GKAP1: variants seen among roughly 807,000 people sequenced by gnomAD.
GKAP1 encodes the protein G kinase anchoring protein 1.
Under a neutral mutation model 56.7 loss-of-function variants are expected in GKAP1, and 31 were observed. The observed-to-expected ratio is 0.55, with a 90% confidence interval of 0.41 to 0.74. The LOEUF is 0.74. Among genes scored for constraint, GKAP1 ranks in the 30% least tolerant of loss-of-function variants. GKAP1 has a pLI of 0.00. For synonymous variants in GKAP1, 151 were observed against 138.6 expected (o/e 1.09, Z -0.63); for missense variants, 364 against 402.3 (o/e 0.90, Z 0.82).
intron 3 of GKAP1, among the ~76,000 whole-genome samples, chr9:83,801,441 T>C (rs1587736109): frequency 6.6e-6 from 1 of 151,924 alleles, no homozygotes; most frequent in Non-Finnish European, 1.5e-5. Flanking sequence ...ATAAAGAGGA[T>C]TTCAACTGAG....
chr9:83,755,569 TC>T (rs1178705701), intron 8 of GKAP1, among the ~76,000 whole-genome samples: 2 of 152,018 alleles, frequency 1.3e-5, no homozygotes, highest in African/African-American at 4.8e-5. Flanking sequence ...ATGATTATTA[TC>T]TTTGAATAAG....
chr9:83,758,419 T>A (rs1385780207), intron 8 of GKAP1, among the ~76,000 whole-genome samples: 5 of 152,184 alleles, frequency 3.3e-5, no homozygotes, highest in African/African-American at 1.2e-4. Context: ...CTAGGCATTT[T>A]CCTAGAAAAA....
chr9:83,806,061 G>A (rs1383555837), intron 3 of GKAP1, among the ~76,000 whole-genome samples: 2 of 151,628 alleles, frequency 1.3e-5, no homozygotes, highest in African/African-American at 4.8e-5. Context: ...AGGCTACAGT[G>A]AACTGTGATC....
intron 8 of GKAP1, among the ~76,000 whole-genome samples, chr9:83,763,764 A>G (rs1344592735): frequency 6.6e-6 from 1 of 152,166 alleles, no homozygotes; most frequent in Non-Finnish European, 1.5e-5. Flanking sequence ...TGTGGAAAAC[A>G]TGTTCTGCTA....
intron 10 of GKAP1, among the ~76,000 whole-genome samples, chr9:83,745,669 T>TA (rs1943281070): frequency 6.6e-6 from 1 of 152,240 alleles, no homozygotes; most frequent in Admixed American, 6.5e-5. Context: ...ATCTTCTAAA[T>TA]AACTTAATTT....
chr9:83,802,701 C>T (rs1944351109), intron 3 of GKAP1, among the ~76,000 whole-genome samples: 1 of 151,848 alleles, frequency 6.6e-6, no homozygotes, highest in Non-Finnish European at 1.5e-5. Context: ...GTGGTGCTTG[C>T]CTGTAGTCCT....
At chr9:83,796,017 T>C (rs1944240454) in intron 4 of GKAP1, among the ~76,000 whole-genome samples, 1 of 152,236 alleles carries the variant, frequency 6.6e-6, no homozygotes, top group Non-Finnish European at 1.5e-5. Context: ...TATTTCCTTA[T>C]TCCTCATTCT....
At chr9:83,788,783 A>G in intron 4 of GKAP1, 105 bp from the exon 5 acceptor site, 1 of 613,220 alleles carries the variant, frequency 1.6e-6, no homozygotes, top group Non-Finnish European at 2.8e-6. Flanking sequence ...CAAATATGTT[A>G]AAAAACAATA....
chr9:83,792,029 A>C (rs1243267294), intron 4 of GKAP1, among the ~76,000 whole-genome samples: 1 of 152,238 alleles, frequency 6.6e-6, no homozygotes, highest in Non-Finnish European at 1.5e-5. Flanking sequence ...ATGTGGAAAA[A>C]ACACAGGCTT....
At chr9:83,788,112 T>G (rs1188842091) in intron 5 of GKAP1, among the ~76,000 whole-genome samples, 1 of 152,012 alleles carries the variant, frequency 6.6e-6, no homozygotes, top group African/African-American at 2.4e-5. Flanking sequence ...ATCCCATCTC[T>G]ACTAAAAAAA....
intron 4 of GKAP1, among the ~76,000 whole-genome samples, chr9:83,792,321 C>A (rs1215779117): frequency 4.6e-5 from 7 of 152,136 alleles, no homozygotes. Flanking sequence ...AGGTTCCAGA[C>A]ACTTCCTAAA....
intron 8 of GKAP1, among the ~76,000 whole-genome samples, chr9:83,766,232 C>T (rs1342518748): frequency 6.6e-6 from 1 of 152,158 alleles, no homozygotes; most frequent in Admixed American, 6.5e-5. Flanking sequence ...TGCTTTCTAC[C>T]ATGATTGTTA....
At chr9:83,789,423 G>C (rs1301248473) in intron 4 of GKAP1, among the ~76,000 whole-genome samples, 1 of 152,196 alleles carries the variant, frequency 6.6e-6, no homozygotes, top group Non-Finnish European at 1.5e-5. Flanking sequence ...CATAAGGTGA[G>C]TGGGTTTGCA....
intron 2 of GKAP1, among the ~76,000 whole-genome samples, chr9:83,815,408 G>C (rs764230598): frequency 1.1e-4 from 17 of 151,110 alleles, no homozygotes; most frequent in Non-Finnish European, 2.5e-4. Flanking sequence ...CACCAAGCCC[G>C]ACCCAAGCAG....
At chr9:83,793,441 T>C (rs528490319) in intron 4 of GKAP1, among the ~76,000 whole-genome samples, 2 of 152,334 alleles carry the variant, frequency 1.3e-5, no homozygotes, top group Middle Eastern at 3.4e-3. Flanking sequence ...TTATTGAACA[T>C]AATTATTCTA....
In GKAP1 at chr9:83,765,469, A is replaced by T. The variant is rs1446769676; in HGVS notation, c.738+3349T>A. The stretch of plus-strand genomic sequence containing the variant: ...ACTGCCTAGCAGAGCTATGAGAAGG[A>T]ACCACTGTCCTCCAGCCCCCAGAAT... On this transcript the variant is annotated intron_variant, in intron 8 of 12. Coordinates refer to ENST00000376371, the MANE Select transcript of GKAP1 (RefSeq NM_025211.4). Among the ~76,000 whole-genome samples, 6 of 152,192 alleles carry T rather than the reference A, an allele frequency of 3.9e-5. No homozygotes were observed. In the East Asian group the frequency reaches 5.8e-4, roughly 15 times the overall value.
At chr9:83,795,678 G>A (rs1239908198) in intron 4 of GKAP1, among the ~76,000 whole-genome samples, 1 of 146,260 alleles carries the variant, frequency 6.8e-6, no homozygotes, top group South Asian at 2.2e-4. Context: ...TGCAGCCTGA[G>A]TAGCTGGGAC....
At chr9:83,753,075 C>CATA (rs745825765) in intron 9 of GKAP1, among the ~76,000 whole-genome samples, 183 bp downstream of exon 9, 68 of 104,488 alleles carry the variant, frequency 6.5e-4, no homozygotes, top group South Asian at 2.3e-3. Flanking sequence ...ACAACAACAA[C>CATA]AACAACATAA....
intron 9 of GKAP1, 132 bp from the exon 10 acceptor site, chr9:83,748,504 G>A: frequency 1.9e-6 from 1 of 522,112 alleles, no homozygotes; most frequent in Non-Finnish European, 3.4e-6. Flanking sequence ...AAACAGGATG[G>A]AGGAAAATGT....
Sources: allele counts gnomAD v4.1 joint callset (sites outside exome capture counted in the v4.1 genomes callset), GRCh38; gene constraint gnomAD v4.1.1; transcripts MANE v1.5; gene names NCBI Gene and HGNC (gene_info 2026-07-23, HGNC 2026-07-21).